ROBO2: variants seen among roughly 807,000 people sequenced by gnomAD.
The protein encoded by ROBO2 is roundabout guidance receptor 2, also known as roundabout homolog 2.
ROBO2 carries 53 observed loss-of-function variants against 160.8 expected under a neutral mutation model. The observed-to-expected ratio is 0.33, with a 90% CI of 0.26 to 0.41. The LOEUF (loss-of-function observed/expected upper bound fraction) is 0.41, where lower values mean the gene tolerates loss of function less well. ROBO2 is among the 10% of genes least tolerant of loss of function. The pLI is 1.00. For missense variants in ROBO2, 1,577 were observed against 1,722.4 expected, an observed-to-expected ratio of 0.92 and a Z score of 1.49; for synonymous variants, 664 against 611.7, an observed-to-expected ratio of 1.09 and a Z score of -1.26.
chr3:77,268,370 T>A (rs551322207), intron 2 of ROBO2, among the ~76,000 whole-genome samples: 1 of 152,156 alleles, frequency 6.6e-6, no homozygotes, highest in East Asian at 1.9e-4. Flanking sequence ...TTTTAAATAC[T>A]CACTGTGCTC....
At chr3:77,548,890 C>A (rs1261336369) in intron 7 of ROBO2, among the ~76,000 whole-genome samples, 1 of 151,826 alleles carries the variant, frequency 6.6e-6, no homozygotes, top group South Asian at 2.1e-4. Context: ...TATAAATTCT[C>A]AAATCATGAA....
At chr3:76,071,526 C>T (rs1559887364) in intron 2 of ROBO2, among the ~76,000 whole-genome samples, 1 of 152,050 alleles carries the variant, frequency 6.6e-6, no homozygotes, top group East Asian at 1.9e-4. Flanking sequence ...GGTTTATGTG[C>T]TTTGCAACAT....
At chr3:76,782,585 T>C (rs2062716235) in intron 2 of ROBO2, among the ~76,000 whole-genome samples, 1 of 150,826 alleles carries the variant, frequency 6.6e-6, no homozygotes. Context: ...ATATTTATAA[T>C]GGTAATGTCC....
intron 2 of ROBO2, among the ~76,000 whole-genome samples, chr3:77,210,801 A>C (rs1025833520): frequency 1.4e-5 from 2 of 139,864 alleles, no homozygotes; most frequent in Non-Finnish European, 3.0e-5. Context: ...ATGAGTTCTC[A>C]TTGTTCAATT....
rs200885191 is a variant in ROBO2 at position 77,059,671 on chromosome 3, AT to A, written c.61+18833del. On this transcript the variant is annotated intron_variant, in intron 1 of 25. Coordinates refer to ENST00000461745, the Ensembl canonical transcript of ROBO2. Reference sequence around the variant, plus strand: ...CCAGTTTAATAGTTTCCCAATTACAATTTTTTTTAATTGTCTCCTTTTGATC... The same window carrying A: ...CCAGTTTAATAGTTTCCCAATTACAATTTTTTTAATTGTCTCCTTTTGATC... Among the ~76,000 whole-genome samples, 210 of 152,020 alleles carry A rather than the reference AT, an allele frequency of 1.4e-3. 6 individuals carry two copies. The East Asian group carries it at 0.037, about 27-fold the overall frequency.
rs2075623743 is a variant in ROBO2, at chr3:77,399,752, C to T, written c.389-77662C>T. On this transcript the variant is annotated intron_variant, in intron 2 of 25. Coordinates refer to ENST00000461745, the Ensembl canonical transcript of ROBO2. ...TGTATGGATCCAGATCTATGCATAA[C>T]TAGCTAGCCAGGAAGCAAGCTATCT... 2.0e-5 allele frequency among the ~76,000 whole-genome samples: 3 copies of T among 152,048 alleles called. No homozygotes were observed. In the South Asian group the frequency reaches 6.2e-4, roughly 32 times the overall value.
chr3:77,594,261 A>G (rs763648249), intron 17 of ROBO2, among the ~76,000 whole-genome samples: 29 of 152,206 alleles, frequency 1.9e-4, no homozygotes, highest in Non-Finnish European at 1.3e-4. Flanking sequence ...TATGCAAAGT[A>G]TATTACTTTT....
intron 2 of ROBO2, among the ~76,000 whole-genome samples, chr3:76,111,660 A>G (rs2070237131): frequency 6.6e-6 from 1 of 151,962 alleles, no homozygotes; most frequent in African/African-American, 2.4e-5. Flanking sequence ...TTCTCTCATT[A>G]TGATTCAAAA....
chr3:76,470,509 A>G (rs187932678), intron 2 of ROBO2, among the ~76,000 whole-genome samples: 1 of 152,194 alleles, frequency 6.6e-6, no homozygotes, highest in Non-Finnish European at 1.5e-5. Flanking sequence ...ATGTTGACTG[A>G]ATCCCCTATT....
intron 5 of ROBO2, 67 bp downstream of exon 5, chr3:77,493,449 C>A (rs2086391599): frequency 4.5e-6 from 7 of 1,538,760 alleles, no homozygotes; most frequent in Admixed American, 3.4e-5. Context: ...AAAAGGACAG[C>A]TACAATGCCA....
chr3:76,763,115 A>G (rs1027633522), intron 2 of ROBO2, among the ~76,000 whole-genome samples: 26 of 151,688 alleles, frequency 1.7e-4, no homozygotes, highest in African/African-American at 6.0e-4. Flanking sequence ...TATCTTCCTT[A>G]GAAGACAATT....
exon 20 of ROBO2, chr3:77,602,423 C>T: frequency 6.2e-7 from 1 of 1,613,996 alleles, no homozygotes; most frequent in Non-Finnish European, 8.5e-7. Flanking sequence ...TGGAAAAGCT[C>T]AATTCAGCAA....
At chr3:77,623,706 T>C (rs1372742346) in intron 23 of ROBO2, among the ~76,000 whole-genome samples, 2 of 152,214 alleles carry the variant, frequency 1.3e-5, no homozygotes, top group African/African-American at 2.4e-5. Context: ...GACTTATTAG[T>C]GCACTATTAT....
intron 2 of ROBO2, among the ~76,000 whole-genome samples, chr3:76,092,428 T>C (rs2069273441): frequency 6.6e-6 from 1 of 152,174 alleles, no homozygotes; most frequent in South Asian, 2.1e-4. Flanking sequence ...TGGTATGTCA[T>C]TTTCTCTTCA....
At position 76,219,010 on chromosome 3, in the gene ROBO2, A is replaced by G. The variant is rs140726263; in HGVS notation, c.109+281408A>G. Among the ~76,000 whole-genome samples the G allele has an allele frequency of 4.6e-5, 7 of 152,332 alleles. No individual in the cohort carries two copies. In the East Asian group the frequency reaches 9.7e-4, roughly 21 times the overall value. On this transcript the variant is annotated intron_variant, in intron 2 of 26. Transcript: ENST00000487694. ...ACAGAGCCCTCAGAAGTAATGCCGC[A>G]TATCTACAACTATCTGGTCTTTGAC...
At chr3:76,267,176 CAT>C (rs1707149327) in intron 2 of ROBO2, among the ~76,000 whole-genome samples, 2 of 152,300 alleles carry the variant, frequency 1.3e-5, no homozygotes, top group South Asian at 2.1e-4. Context: ...TATCTCAACA[CAT>C]GTCTTACAAT....
intron 2 of ROBO2, among the ~76,000 whole-genome samples, chr3:77,296,107 C>T (rs375032910): frequency 6.0e-5 from 9 of 150,184 alleles, no homozygotes; most frequent in East Asian, 4.0e-4. Flanking sequence ...GATGGTTAAA[C>T]GGGTAGGCTG....
At chr3:76,340,495 T>A (rs1197266678) in intron 2 of ROBO2, among the ~76,000 whole-genome samples, 1 of 152,178 alleles carries the variant, frequency 6.6e-6, no homozygotes, top group Non-Finnish European at 1.5e-5. Flanking sequence ...ATGTGAAGTC[T>A]ACAGTACTGA....
chr3:76,898,132 C>T (rs1044892479), intron 2 of ROBO2, among the ~76,000 whole-genome samples: 3 of 152,164 alleles, frequency 2.0e-5, no homozygotes, highest in Middle Eastern at 3.4e-3. Context: ...TTGATGATTG[C>T]TTTGGTGCAC....
Sources: gnomAD v4.1 joint callset for allele counts (sites outside exome capture counted in the v4.1 genomes callset) on GRCh38, gnomAD v4.1.1 for gene constraint, MANE v1.5 for transcripts, NCBI Gene and HGNC (gene_info 2026-07-23, HGNC 2026-07-21) for gene names.